FAM227B: variants seen among roughly 807,000 people sequenced by gnomAD.
The protein encoded by FAM227B is family with sequence similarity 227 member B, also known as protein FAM227B.
A neutral mutation model predicts 73.8 loss-of-function variants in FAM227B; 88 were observed. The ratio of observed to expected loss-of-function variants is 1.19; its 90% CI spans 1.00 to 1.42. The LOEUF is 1.42. Among genes scored for constraint, FAM227B ranks in the 40% most tolerant of loss-of-function variants. The pLI is 0.00. For missense variants in FAM227B, 632 were observed against 590.9 expected, an observed-to-expected ratio of 1.07 and a Z score of -0.72; for synonymous variants, 210 against 190.5, an observed-to-expected ratio of 1.10 and a Z score of -0.84.
At chr15:49,435,571 G>T (rs923508674) in intron 11 of FAM227B, among the ~76,000 whole-genome samples, 6 of 151,510 alleles carry the variant, frequency 4.0e-5, no homozygotes, top group Non-Finnish European at 8.9e-5. Context: ...AATAATGTTG[G>T]ATGTTTAACA....
intron 11 of FAM227B, among the ~76,000 whole-genome samples, chr15:49,471,612 CTTGTT>C (rs2054776631): frequency 6.6e-6 from 1 of 151,644 alleles, no homozygotes; most frequent in Non-Finnish European, 1.5e-5. Context: ...TAATCAATGA[CTTGTT>C]TTATTCAAAA....
intron 11 of FAM227B, among the ~76,000 whole-genome samples, chr15:49,455,913 A>G (rs763280615): frequency 6.6e-6 from 1 of 152,038 alleles, no homozygotes; most frequent in Non-Finnish European, 1.5e-5. Flanking sequence ...CTAGAGCTCC[A>G]AATGTGTTGG....
intron 11 of FAM227B, chr15:49,396,362 G>C (rs940377257): frequency 2.2e-5 from 6 of 272,546 alleles, no homozygotes; most frequent in Non-Finnish European, 3.6e-5. Flanking sequence ...ACGGAGTCTC[G>C]CTGATTGCTA....
At chr15:49,509,429 G>C (rs1311733133) in intron 10 of FAM227B, among the ~76,000 whole-genome samples, 2 of 152,110 alleles carry the variant, frequency 1.3e-5, no homozygotes, top group Non-Finnish European at 2.9e-5. Context: ...TATATAAAGA[G>C]AGAGAGGGAT....
chr15:49,502,665 GA>G (rs2058239263), intron 11 of FAM227B, among the ~76,000 whole-genome samples: 1 of 152,292 alleles, frequency 6.6e-6, no homozygotes, highest in South Asian at 2.1e-4. Flanking sequence ...GTTAATGCTG[GA>G]ATGAGTTAAG....
chr15:49,532,761 A>C (rs977710502), intron 10 of FAM227B, among the ~76,000 whole-genome samples: 1 of 151,940 alleles, frequency 6.6e-6, no homozygotes, highest in East Asian at 1.9e-4. Context: ...GAAGAAAATG[A>C]TGTGATTTTT....
chr15:49,502,763 A>C (rs535760810), intron 11 of FAM227B, among the ~76,000 whole-genome samples: 1 of 152,120 alleles, frequency 6.6e-6, no homozygotes, highest in African/African-American at 2.4e-5. Flanking sequence ...GAAATGATAT[A>C]GTTTGGATAT....
At chr15:49,416,461 C>T (rs183451449) in intron 11 of FAM227B, among the ~76,000 whole-genome samples, 11 of 152,078 alleles carry the variant, frequency 7.2e-5, no homozygotes, top group Admixed American at 5.9e-4. Flanking sequence ...GACAAAGATG[C>T]CCTCTCTCAC....
intron 11 of FAM227B, among the ~76,000 whole-genome samples, chr15:49,404,829 G>T (rs73398250): frequency 0.17 from 25,633 of 151,856 alleles, 2,409 homozygotes; most frequent in Non-Finnish European, 0.21. Flanking sequence ...TCGTATGGGC[G>T]CTTGTTTATG....
At position 49,542,826 on chromosome 15, in the gene FAM227B, A is replaced by G. The variant is rs193055979; in HGVS notation, c.748-1020T>C. Among the ~76,000 whole-genome samples the G allele has an allele frequency of 2.0e-4, 30 of 151,804 alleles. No homozygotes were observed. The East Asian group carries it at 5.8e-3, about 29-fold the overall frequency. On this transcript the variant is annotated intron_variant, in intron 9 of 15. Transcript: ENST00000299338. Reference sequence around the variant, plus strand: ...TATATAGGTAAATTACATGTGAAGGAGGTTTGTGAACAGATTATTTCTTTT... The same window carrying G: ...TATATAGGTAAATTACATGTGAAGGGGGTTTGTGAACAGATTATTTCTTTT...
chr15:49,460,998 G>A (rs2053743572), intron 11 of FAM227B, among the ~76,000 whole-genome samples: 1 of 152,154 alleles, frequency 6.6e-6, no homozygotes, highest in African/African-American at 2.4e-5. Context: ...TAAAGAATGA[G>A]TGATATTCAT....
Position 49,335,430 on chromosome 15 carries a change from CT to C in FAM227B, c.1337del (p.Lys446ArgfsTer17). The C allele has an allele frequency of 6.2e-7, 1 of 1,609,906 alleles. No homozygotes were observed. The highest frequency in any genetic ancestry group is 8.5e-7 in the Non-Finnish European group (1 of 1,176,232). On this transcript the variant is annotated frameshift_variant, in exon 14 of 16. Transcript: ENST00000299338. LOFTEE classifies it high-confidence loss of function. ...EAKRQFARNQ[K>X]DFRILQAKAT... ...TAGCATCAACTTACATCCTAAAATCCTTTTGGTTCCTTGCAAATTGTCTTTT... is the reference window on the plus strand; with the variant it reads ...TAGCATCAACTTACATCCTAAAATCCTTTGGTTCCTTGCAAATTGTCTTTT...
intron 15 of FAM227B, chr15:49,329,608 AT>A (rs1411547028): frequency 1.0e-6 from 1 of 984,686 alleles, no homozygotes; most frequent in Admixed American, 6.1e-5. Flanking sequence ...CTTCTGATGC[AT>A]TTTCATTCTT....
At chr15:49,607,510 G>C (rs1179594547) in intron 3 of FAM227B, among the ~76,000 whole-genome samples, 2 of 152,156 alleles carry the variant, frequency 1.3e-5, no homozygotes, top group African/African-American at 4.8e-5. Context: ...CTATTGTTAG[G>C]GGAGTTGAGG....
chr15:49,514,681 G>A (rs1394716002), intron 10 of FAM227B, among the ~76,000 whole-genome samples: 1 of 152,108 alleles, frequency 6.6e-6, no homozygotes, highest in Non-Finnish European at 1.5e-5. Flanking sequence ...TGATACGCCA[G>A]TGTTTTCTTC....
intron 11 of FAM227B, among the ~76,000 whole-genome samples, chr15:49,494,256 A>ACACACACACACACACACAC (rs1467706350): frequency 3.6e-5 from 5 of 140,606 alleles, no homozygotes; most frequent in African/African-American, 1.0e-4. Context: ...GAGACACACA[A>ACACACACACACACACACAC]ACACACACAC....
At chr15:49,447,736 T>C (rs1292710524) in intron 11 of FAM227B, among the ~76,000 whole-genome samples, 6 of 151,840 alleles carry the variant, frequency 4.0e-5, no homozygotes, top group South Asian at 2.1e-4. Flanking sequence ...AAAATTTTTA[T>C]GTGGAATGAC....
chr15:49,494,068 A>T (rs2152067477), intron 11 of FAM227B, among the ~76,000 whole-genome samples: 1 of 152,150 alleles, frequency 6.6e-6, no homozygotes, highest in East Asian at 1.9e-4. Context: ...CATAAGTGAT[A>T]GCTGACAGAC....
chr15:49,568,379 T>C, intron 8 of FAM227B, 33 bp from the exon 9 acceptor site: 1 of 1,528,662 alleles, frequency 6.5e-7, no homozygotes, highest in Non-Finnish European at 9.0e-7. Context: ...AAGTCAATAT[T>C]ACAATTTAAA....
Sources: gnomAD v4.1 joint callset for allele counts (sites outside exome capture counted in the v4.1 genomes callset) on GRCh38, gnomAD v4.1.1 for gene constraint, MANE v1.5 for transcripts, NCBI Gene and HGNC (gene_info 2026-07-23, HGNC 2026-07-21) for gene names.